DCUN1D4: variants seen among roughly 807,000 people sequenced by gnomAD.
DCUN1D4 encodes defective in cullin neddylation 1 domain containing 4.
In DCUN1D4, 22 loss-of-function variants were observed where a neutral mutation model predicts 47.9. That is an observed-to-expected ratio of 0.46 (90% CI 0.33 to 0.66). DCUN1D4 has a LOEUF of 0.66. Ranked by LOEUF, DCUN1D4 falls within the 30% of genes least tolerant of loss-of-function variation. The pLI, the probability that DCUN1D4 is intolerant of heterozygous loss-of-function variation, is 0.02. For synonymous variants in DCUN1D4, 121 were observed against 112.2 expected (o/e 1.08, Z -0.50); for missense variants, 301 against 340.8 (o/e 0.88, Z 0.92).
chr4:51,887,140 C>T (rs986345261), intron 6 of DCUN1D4: 27 of 450,212 alleles, frequency 6.0e-5, no homozygotes, highest in Admixed American at 3.8e-4. Flanking sequence ...CTCGCACTGT[C>T]GCCAGGCTGG....
At chr4:51,862,308 G>A (rs926266449) in intron 1 of DCUN1D4, among the ~76,000 whole-genome samples, 1 of 152,224 alleles carries the variant, frequency 6.6e-6, no homozygotes, top group East Asian at 1.9e-4. Flanking sequence ...AGAACTGGAT[G>A]CCCAACAAGC....
rs1322950410 is a variant in DCUN1D4 at position 51,915,810 on chromosome 4, A to G, written c.*2226A>G. 6.6e-6 allele frequency: 1 copy of G among 152,566 alleles called. No homozygotes were observed. The highest frequency in any genetic ancestry group is 1.5e-5 in the Non-Finnish European group (1 of 68,008). 9.5% of individuals were successfully genotyped at this position (152,566 alleles called of 1,614,324 possible). On this transcript the variant is annotated 3_prime_UTR_variant, in exon 11 of 11. Coordinates refer to ENST00000334635, the MANE Select transcript of DCUN1D4 (RefSeq NM_001040402.3). ...TCAACATTTTGATGGTAGGGAAAAAACTGCGTAAAAACTATTGCATTATGT... is the reference window on the plus strand; with the variant it reads ...TCAACATTTTGATGGTAGGGAAAAAGCTGCGTAAAAACTATTGCATTATGT...
rs1188626853 is a variant in DCUN1D4, at chr4:51,916,120, G to C, written c.*2536G>C. 1 of 151,858 alleles carries C rather than the reference G, an allele frequency of 6.6e-6. No homozygotes were observed. The highest frequency in any genetic ancestry group is 1.5e-5 in the Non-Finnish European group (1 of 67,920). 9.4% of individuals were successfully genotyped at this position (151,858 alleles called of 1,614,324 possible). On this transcript the variant is annotated 3_prime_UTR_variant, in exon 11 of 11. Transcript: ENST00000334635. ...GAATAAATTAGGGTGCCTTCATCTG[G>C]GTTTTCTTTAGTACCTAAGTCTACA...
intron 7 of DCUN1D4, among the ~76,000 whole-genome samples, chr4:51,894,604 T>G (rs1730952432): frequency 6.6e-6 from 1 of 152,190 alleles, no homozygotes; most frequent in Admixed American, 6.5e-5. Flanking sequence ...GCATTGTATT[T>G]GTGAAGTATG....
In DCUN1D4 at chr4:51,915,688, G is replaced by A. The variant is rs1162467816; in HGVS notation, c.*2104G>A. 4 of 152,660 alleles carry A rather than the reference G, an allele frequency of 2.6e-5. No individual in the cohort carries two copies. The highest frequency in any genetic ancestry group is 9.6e-5 in the African/African-American group (4 of 41,570). 9.5% of individuals were successfully genotyped at this position (152,660 alleles called of 1,614,324 possible). A position where few individuals can be genotyped will look rare whatever the true frequency, so the allele number is the denominator to read the frequency against. ...TAGATGAAGTTATTTTAAACACTAT[G>A]TTAGAATATAGAGATTTTTAAAAAA... On this transcript the variant is annotated 3_prime_UTR_variant, in exon 11 of 11. Coordinates refer to ENST00000334635, the MANE Select transcript of DCUN1D4 (RefSeq NM_001040402.3).
At chr4:51,909,878 T>A (rs1212662142) in intron 8 of DCUN1D4, among the ~76,000 whole-genome samples, 1 of 152,206 alleles carries the variant, frequency 6.6e-6, no homozygotes, top group East Asian at 1.9e-4. Context: ...ACCTTGATTG[T>A]TGTTGTTAAG....
chr4:51,835,314 T>C, the DCUN1D4 span, among the ~76,000 whole-genome samples: 1 of 152,206 alleles, frequency 6.6e-6, no homozygotes, highest in Non-Finnish European at 1.5e-5. Context: ...ACCCATAAAG[T>C]GGGTTTTACA....
chr4:51,885,529 G>A (rs946005611), intron 5 of DCUN1D4, among the ~76,000 whole-genome samples: 1 of 130,278 alleles, frequency 7.7e-6, no homozygotes, highest in Non-Finnish European at 1.5e-5. Context: ...GGGAGGAGTA[G>A]GTTTGAAGCA....
At chr4:51,882,005 A>G (rs1728719589) in intron 5 of DCUN1D4, among the ~76,000 whole-genome samples, 1 of 152,140 alleles carries the variant, frequency 6.6e-6, no homozygotes, top group Non-Finnish European at 1.5e-5. Context: ...CCATCTCTTA[A>G]GAAAAGTGTT....
intron 6 of DCUN1D4, among the ~76,000 whole-genome samples, chr4:51,889,727 A>G (rs554890436): frequency 1.3e-4 from 20 of 152,216 alleles, no homozygotes; most frequent in Non-Finnish European, 2.8e-4. Flanking sequence ...GTAAATCGAT[A>G]TACAAGAGTC....
chr4:51,893,271 AGT>A (rs1231448855), intron 7 of DCUN1D4, among the ~76,000 whole-genome samples: 1 of 152,176 alleles, frequency 6.6e-6, no homozygotes, highest in Non-Finnish European at 1.5e-5. Context: ...TTCCTATCAG[AGT>A]GTGTTCTAGA....
At chr4:51,834,038 GTCTTTCTCTCTCTC>G in the DCUN1D4 span, among the ~76,000 whole-genome samples, 1 of 87,836 alleles carries the variant, frequency 1.1e-5, no homozygotes, top group African/African-American at 4.5e-5. Context: ...TTTGTTAGGA[GTCTTTCTCTCTCTC>G]TCTCTCTCTC....
At chr4:51,869,572 T>C (rs1443021072) in intron 3 of DCUN1D4, among the ~76,000 whole-genome samples, 1 of 152,142 alleles carries the variant, frequency 6.6e-6, no homozygotes, top group African/African-American at 2.4e-5. Context: ...CCTCTTGTAC[T>C]CTTTTTTACT....
intron 8 of DCUN1D4, chr4:51,905,210 T>C: frequency 2.2e-6 from 1 of 455,580 alleles, no homozygotes; most frequent in Non-Finnish European, 4.4e-6. Context: ...GCTTGAGAGC[T>C]GAAAGGATCC....
At position 51,893,905 on chromosome 4, in the gene DCUN1D4, A is replaced by G. The variant is rs556319333; in HGVS notation, c.506+2054A>G. Among the ~76,000 whole-genome samples the G allele has an allele frequency of 1.9e-3, 286 of 152,294 alleles. 1 individual carries two copies. Among genetic ancestry groups the G allele is most frequent in the African/African-American group, 5.3e-3 (221 of 41,574 alleles). On this transcript the variant is annotated intron_variant, in intron 7 of 10. Coordinates refer to ENST00000334635, the MANE Select transcript of DCUN1D4 (RefSeq NM_001040402.3). ...TTGTATAGTACTGAGTTCTTTACGA[A>G]AGAATGTCCCTCTACAAAAGAATAT...
chr4:51,905,809 CA>C (rs1732799717), intron 8 of DCUN1D4, among the ~76,000 whole-genome samples: 1 of 152,120 alleles, frequency 6.6e-6, no homozygotes. Flanking sequence ...CACGGATTTG[CA>C]GTGCTGTTGT....
chr4:51,890,688 G>A (rs1197071775), intron 6 of DCUN1D4, among the ~76,000 whole-genome samples: 3 of 152,118 alleles, frequency 2.0e-5, no homozygotes, highest in African/African-American at 4.8e-5. Context: ...GGATCTTTGA[G>A]GTAGATGAGA....
intron 6 of DCUN1D4, among the ~76,000 whole-genome samples, chr4:51,888,478 C>T (rs1357580762): frequency 2.6e-5 from 4 of 152,156 alleles, no homozygotes; most frequent in Non-Finnish European, 5.9e-5. Flanking sequence ...TGATGGCTCA[C>T]GCCTGTAATC....
At chr4:51,858,338 G>A (rs190396581) in intron 1 of DCUN1D4, among the ~76,000 whole-genome samples, 5 of 152,244 alleles carry the variant, frequency 3.3e-5, no homozygotes, top group Admixed American at 2.0e-4. Flanking sequence ...GTGCAAAGGC[G>A]CTGAGGTGGG....
Sources: gnomAD v4.1 joint callset for allele counts (sites outside exome capture counted in the v4.1 genomes callset) on GRCh38, gnomAD v4.1.1 for gene constraint, MANE v1.5 for transcripts, NCBI Gene and HGNC (gene_info 2026-07-23, HGNC 2026-07-21) for gene names.